CAMK4: variants seen among roughly 807,000 people sequenced by gnomAD.
The protein encoded by CAMK4 is calcium/calmodulin-dependent protein kinase type IV.
CAMK4 carries 22 observed loss-of-function variants against 44.9 expected under a neutral mutation model. The observed-to-expected ratio is 0.49, with a 90% CI of 0.35 to 0.70. The LOEUF (loss-of-function observed/expected upper bound fraction) is 0.70, where lower values mean the gene tolerates loss of function less well. Ranked by LOEUF, CAMK4 falls within the 30% of genes least tolerant of loss-of-function variation. The probability of loss-of-function intolerance (pLI) is 0.01; values close to 1 mark genes in which losing one functional copy is unlikely to be tolerated. For synonymous variants in CAMK4, 218 were observed against 215.4 expected (o/e 1.01, Z -0.11); for missense variants, 498 against 586.8 (o/e 0.85, Z 1.56).
chr5:111,282,620 G>A lies in CAMK4; in HGVS notation c.161+57976G>A, dbSNP rs114938398. Reference sequence around the variant, plus strand: ...TTTATATTTTGACTTGCTAGTATATGTAGCCACCAGAATACAGGTTACCAT... The same window carrying A: ...TTTATATTTTGACTTGCTAGTATATATAGCCACCAGAATACAGGTTACCAT... On this transcript the variant is annotated intron_variant, in intron 1 of 10. Coordinates refer to ENST00000282356, the MANE Select transcript of CAMK4 (RefSeq NM_001744.6). Among the ~76,000 whole-genome samples, 518 of 152,264 alleles carry A rather than the reference G, an allele frequency of 3.4e-3. 4 individuals are homozygous for A. Among genetic ancestry groups the A allele is most frequent in the African/African-American group, 0.012 (492 of 41,538 alleles).
At chr5:111,476,920 T>C (rs1755265963) in intron 8 of CAMK4, among the ~76,000 whole-genome samples, 1 of 152,214 alleles carries the variant, frequency 6.6e-6, no homozygotes. Flanking sequence ...AAAAGGCATT[T>C]GAGCACTATA....
At chr5:111,383,011 G>A (rs1363943870) in intron 4 of CAMK4, among the ~76,000 whole-genome samples, 4 of 152,150 alleles carry the variant, frequency 2.6e-5, no homozygotes, top group Non-Finnish European at 5.9e-5. Context: ...TAGACTTATA[G>A]TTTACTTTTT....
At chr5:111,453,735 G>C (rs919712115) in intron 7 of CAMK4, among the ~76,000 whole-genome samples, 2 of 152,202 alleles carry the variant, frequency 1.3e-5, no homozygotes, top group Non-Finnish European at 2.9e-5. Flanking sequence ...AAGACACCAG[G>C]GTGGTCAGGA....
In CAMK4 at chr5:111,290,466, G is replaced by A. The variant is rs1747193474; in HGVS notation, c.162-53558G>A. Among the ~76,000 whole-genome samples the A allele has an allele frequency of 6.6e-6, 1 of 152,152 alleles. No homozygotes were observed. Among genetic ancestry groups the A allele is most frequent in the Admixed American group, 6.5e-5 (1 of 15,272 alleles). On this transcript the variant is annotated intron_variant, in intron 1 of 10. Coordinates refer to ENST00000282356, the MANE Select transcript of CAMK4 (RefSeq NM_001744.6). This position sits in a 1 kb window ranked among gnomAD's most constrained non-coding sequence, Gnocchi z 4.5. ...AAGAGAAATGAACCAGGAAATGAAG[G>A]AATGCCAATATACAGATGTGTGAGC...
chr5:111,251,176 T>A (rs1242479947), intron 1 of CAMK4, among the ~76,000 whole-genome samples: 1 of 152,216 alleles, frequency 6.6e-6, no homozygotes, highest in Non-Finnish European at 1.5e-5. Context: ...AAGTGATTGT[T>A]CTGTGACTAG....
At chr5:111,451,508 G>A (rs971322647) in intron 7 of CAMK4, among the ~76,000 whole-genome samples, 2 of 151,934 alleles carry the variant, frequency 1.3e-5, no homozygotes, top group African/African-American at 2.4e-5. Flanking sequence ...GGCTGGTCTC[G>A]AACTCCAGGC....
chr5:111,301,309 A>G (rs1409684624), intron 1 of CAMK4, among the ~76,000 whole-genome samples: 1 of 152,252 alleles, frequency 6.6e-6, no homozygotes, highest in East Asian at 1.9e-4. Flanking sequence ...ACAGCAAACT[A>G]AACAGTTAAA....
intron 5 of CAMK4, among the ~76,000 whole-genome samples, chr5:111,434,178 AACT>A (rs1753562325): frequency 6.6e-6 from 1 of 151,970 alleles, no homozygotes; most frequent in African/African-American, 2.4e-5. Flanking sequence ...CTGTAGTCCC[AACT>A]ACTCGGAAGG....
At chr5:111,454,041 C>G (rs1754328838) in intron 7 of CAMK4, among the ~76,000 whole-genome samples, 1 of 152,138 alleles carries the variant, frequency 6.6e-6, no homozygotes, top group Non-Finnish European at 1.5e-5. Context: ...ACAGGAGAGA[C>G]AGGCTCTCTG....
chr5:111,443,243 C>CAT (rs1232548245), intron 5 of CAMK4, among the ~76,000 whole-genome samples: 1,361 of 72,146 alleles, frequency 0.019, 57 homozygotes, highest in Non-Finnish European at 0.028. Context: ...CTCCCCCTAC[C>CAT]ATATATATAT....
At chr5:111,411,921 TCTG>T (rs1752646019) in intron 5 of CAMK4, among the ~76,000 whole-genome samples, 1 of 152,216 alleles carries the variant, frequency 6.6e-6, no homozygotes, top group Non-Finnish European at 1.5e-5. Context: ...TTTAAAAGCA[TCTG>T]CTCTGTTTAT....
chr5:111,317,171 G>T (rs907332496), intron 1 of CAMK4, among the ~76,000 whole-genome samples: 2 of 152,156 alleles, frequency 1.3e-5, no homozygotes, highest in Non-Finnish European at 2.9e-5. Context: ...AGAAACAAGT[G>T]CTAGGAGACT....
intron 7 of CAMK4, among the ~76,000 whole-genome samples, chr5:111,472,424 T>C (rs1032682745): frequency 3.9e-5 from 6 of 152,206 alleles, no homozygotes; most frequent in Admixed American, 2.6e-4. Context: ...CTCTGGACAA[T>C]AGGCCTGAGC....
chr5:111,476,271 T>TGTGTTTG (rs1755238315), intron 8 of CAMK4, among the ~76,000 whole-genome samples: 8 of 127,392 alleles, frequency 6.3e-5, no homozygotes, highest in African/African-American at 2.2e-4. Context: ...GTGTGTGTGT[T>TGTGTTTG]TGTGTGTGTG....
At chr5:111,371,646 TA>T (rs1240069731) in intron 2 of CAMK4, among the ~76,000 whole-genome samples, 1 of 152,216 alleles carries the variant, frequency 6.6e-6, no homozygotes, top group African/African-American at 2.4e-5. Context: ...TCAGACATTC[TA>T]AAATTTCCAG....
chr5:111,459,960 T>C (rs1754582219), intron 7 of CAMK4, among the ~76,000 whole-genome samples: 1 of 152,068 alleles, frequency 6.6e-6, no homozygotes, highest in Admixed American at 6.5e-5. Flanking sequence ...GAACCAACTG[T>C]GCCAGAGAAT....
chr5:111,371,320 C>A (rs1220202760), intron 2 of CAMK4, among the ~76,000 whole-genome samples: 1 of 152,132 alleles, frequency 6.6e-6, no homozygotes, highest in Non-Finnish European at 1.5e-5. Flanking sequence ...TGTCAAAAGT[C>A]TTTTAGAATA....
chr5:111,472,693 C>T (rs1484748372), intron 7 of CAMK4, among the ~76,000 whole-genome samples: 1 of 152,146 alleles, frequency 6.6e-6, no homozygotes, highest in Admixed American at 6.5e-5. Context: ...AGATAAGTTC[C>T]CCTTTCTCAG....
chr5:111,240,670 T>C (rs1748948865), intron 1 of CAMK4, among the ~76,000 whole-genome samples: 1 of 152,188 alleles, frequency 6.6e-6, no homozygotes, highest in South Asian at 2.1e-4. Flanking sequence ...GGAGACACCT[T>C]ACTTGAGTGT....
Sources: allele counts gnomAD v4.1 joint callset (sites outside exome capture counted in the v4.1 genomes callset), GRCh38; gene constraint gnomAD v4.1.1; non-coding constraint Gnocchi (gnomAD v3.1); transcripts MANE v1.5; gene names NCBI Gene and HGNC (gene_info 2026-07-23, HGNC 2026-07-21).